ADGRG4: variants seen among roughly 807,000 people sequenced by gnomAD.
The protein encoded by ADGRG4 is G protein-coupled receptor 112.
A neutral mutation model predicts 126.2 loss-of-function variants in ADGRG4; 122 were observed. The observed-to-expected ratio is 0.97, with a 90% CI of 0.83 to 1.12. The LOEUF (loss-of-function observed/expected upper bound fraction) is 1.12, where lower values mean the gene tolerates loss of function less well. ADGRG4 is among the 50% of genes most tolerant of loss of function. The pLI is 0.00. For missense variants in ADGRG4, 2,481 were observed against 2,251.8 expected (o/e 1.10, Z -2.06); for synonymous variants, 943 against 838.7 (o/e 1.12, Z -2.15).
chrX:136,354,684 G>C (rs1169570027), intron 8 of ADGRG4, among the ~76,000 whole-genome samples: 1 of 111,529 alleles, frequency 9.0e-6, no homozygotes, highest in Non-Finnish European at 1.9e-5. Context: ...CAGAACTTCT[G>C]ACTAACTGAC....
intron 15 of ADGRG4, among the ~76,000 whole-genome samples, chrX:136,378,308 A>G (rs1233293538): frequency 9.0e-6 from 1 of 111,323 alleles, no homozygotes; most frequent in Non-Finnish European, 1.9e-5. Context: ...ATGAAATATT[A>G]TTTATATTAT....
intron 8 of ADGRG4, among the ~76,000 whole-genome samples, chrX:136,355,222 T>TACACACAC (rs10553631): frequency 2.0e-5 from 2 of 100,191 alleles, no homozygotes; most frequent in African/African-American, 3.7e-5. Context: ...AACATATGTG[T>TACACACAC]ACACACACAC....
intron 21 of ADGRG4, among the ~76,000 whole-genome samples, chrX:136,402,556 T>C (rs1209436222): frequency 2.7e-5 from 3 of 111,825 alleles, no homozygotes; most frequent in African/African-American, 9.8e-5. Flanking sequence ...CCCTAAAATG[T>C]ATGTAGGTGC....
chrX:136,304,915 A>G lies in ADGRG4; in HGVS notation c.-118A>G, dbSNP rs1313519218. On this transcript the variant is annotated 5_prime_UTR_variant, in exon 3 of 26. Transcript: ENST00000394143. ...CCTAAGCCTTGTGCCTACTGGAAAG[A>G]AGAAGCAGTGGAGTCCTTGACAGAA... is the stretch of plus-strand genomic sequence containing the variant. 8.9e-6 allele frequency: 1 copy of G among 112,706 alleles called. No homozygotes were observed. The highest frequency in any genetic ancestry group is 1.9e-5 in the Non-Finnish European group (1 of 53,346). 9.3% of individuals were successfully genotyped at this position (112,706 alleles called of 1,213,427 possible).
At chrX:136,398,031 C>T (rs375102252) in intron 20 of ADGRG4, 29 bp downstream of exon 20, 4 of 1,187,385 alleles carry the variant, frequency 3.4e-6, no homozygotes, top group Non-Finnish European at 4.6e-6. Context: ...GCTCTGAGCA[C>T]ATTTAATTTG....
chrX:136,369,598 AC>A (rs2075180391), intron 13 of ADGRG4, among the ~76,000 whole-genome samples: 1 of 112,471 alleles, frequency 8.9e-6, no homozygotes, highest in Non-Finnish European at 1.9e-5. Context: ...AAGAATCATG[AC>A]TAGGCAGCTC....
intron 5 of ADGRG4, among the ~76,000 whole-genome samples, chrX:136,333,159 C>T: frequency 9.0e-6 from 1 of 111,278 alleles, no homozygotes; most frequent in Non-Finnish European, 1.9e-5. Flanking sequence ...AAACTGGATC[C>T]CTTCCTTACA....
intron 5 of ADGRG4, among the ~76,000 whole-genome samples, chrX:136,328,042 A>G (rs1296279451): frequency 9.0e-6 from 1 of 111,676 alleles, no homozygotes; most frequent in Non-Finnish European, 1.9e-5. Flanking sequence ...TTGAATTTAC[A>G]TGTAAATATA....
chrX:136,373,120 C>T, intron 15 of ADGRG4, 56 bp downstream of exon 15: 2 of 1,035,101 alleles, frequency 1.9e-6, no homozygotes, highest in Non-Finnish European at 2.6e-6. Flanking sequence ...TTCAGGTCTT[C>T]ATTCATTTAC....
chrX:136,402,732 T>C (rs2075385775), intron 21 of ADGRG4, among the ~76,000 whole-genome samples: 1 of 111,604 alleles, frequency 9.0e-6, no homozygotes, highest in Admixed American at 9.6e-5. Flanking sequence ...ATTGAGTGGT[T>C]GTTAACCGGT....
intron 5 of ADGRG4, among the ~76,000 whole-genome samples, chrX:136,341,457 T>C (rs1318860078): frequency 8.9e-6 from 1 of 112,225 alleles, no homozygotes; most frequent in East Asian, 2.8e-4. Flanking sequence ...AGTGACACTT[T>C]CACGGAGGTT....
In ADGRG4 at chrX:136,405,854, C is replaced by G; in HGVS notation, c.8817C>G (p.Leu2939=). The G allele has an allele frequency of 1.7e-6, 2 of 1,208,776 alleles. No individual in the cohort carries two copies. The highest frequency in any genetic ancestry group is 1.1e-6 in the Non-Finnish European group (1 of 894,083). Residue 2939 remains leucine (L), a synonymous_variant, in exon 23 of 26, where the codon CTC becomes CTG. Coordinates refer to ENST00000394143, the MANE Select transcript of ADGRG4 (RefSeq NM_153834.4). The part of the protein sequence containing the change: ...KTRRKMILHD[L]KGTMSLTFLL... ...GGCGGAAGATGATCCTGCATGACCT[C>G]AAAGGCACAATGAGCCTGACATTCT...
At chrX:136,376,086 G>A (rs1032664184) in intron 15 of ADGRG4, among the ~76,000 whole-genome samples, 1 of 111,503 alleles carries the variant, frequency 9.0e-6, no homozygotes, top group East Asian at 2.8e-4. Context: ...ATAATGCGAG[G>A]GATGGGGATC....
At chrX:136,411,518 T>G (rs1269784861) in intron 23 of ADGRG4, among the ~76,000 whole-genome samples, 1 of 112,838 alleles carries the variant, frequency 8.9e-6, no homozygotes. Flanking sequence ...TTCCACATGG[T>G]GTCATTATGC....
intron 4 of ADGRG4, among the ~76,000 whole-genome samples, chrX:136,314,847 A>G (rs1330450532): frequency 1.8e-5 from 2 of 112,307 alleles, no homozygotes; most frequent in Non-Finnish European, 3.8e-5. Context: ...ATCACTGTTG[A>G]GTAAATAATT....
chrX:136,369,367 G>A (rs2075179063), intron 13 of ADGRG4, among the ~76,000 whole-genome samples: 1 of 112,200 alleles, frequency 8.9e-6, no homozygotes, highest in Non-Finnish European at 1.9e-5. Context: ...AATTTATTCT[G>A]CAACAAATAA....
intron 16 of ADGRG4, among the ~76,000 whole-genome samples, 200 bp downstream of exon 16, chrX:136,388,074 A>G (rs1014656532): frequency 8.9e-6 from 1 of 112,260 alleles, no homozygotes; most frequent in African/African-American, 3.2e-5. Flanking sequence ...TTTTCACAAT[A>G]TCTCAGCTTT....
In ADGRG4 at chrX:136,346,945, C is replaced by A; in HGVS notation, c.3239C>A (p.Thr1080Asn). ...TASTTIVIVPTHGDLIRTTSE... is the reference protein window; with the variant it reads ...TASTTIVIVPNHGDLIRTTSE... ...TCCACAACCATTGTTATTGTGCCTA[C>A]CCATGGAGACTTGATTCGTACCACT... Residue 1080 changes from threonine (T) to asparagine (N), a missense_variant, in exon 6 of 26, where the codon ACC (threonine) becomes AAC (asparagine). By Grantham distance (65) the Thr-to-Asn change is moderately conservative. Transcript: ENST00000394143. 8.3e-7 allele frequency: 1 copy of A among 1,210,758 alleles called. No individual in the cohort carries two copies. Among genetic ancestry groups the A allele is most frequent in the Non-Finnish European group, 1.1e-6 (1 of 894,746 alleles).
intron 5 of ADGRG4, among the ~76,000 whole-genome samples, chrX:136,324,441 A>T (rs755224651): frequency 1.8e-5 from 2 of 109,639 alleles, no homozygotes; most frequent in Admixed American, 1.9e-4. Flanking sequence ...ACAGGGTCTC[A>T]CTCTAGCCAA....
Sources: gnomAD v4.1 joint callset for allele counts (sites outside exome capture counted in the v4.1 genomes callset) on GRCh38, gnomAD v4.1.1 for gene constraint, MANE v1.5 for transcripts, NCBI Gene and HGNC (gene_info 2026-07-23, HGNC 2026-07-21) for gene names.